Variants in MKLN1 observed in about 807,000 individuals in gnomAD.
The protein encoded by MKLN1 is muskelin 1.
MKLN1 carries 18 observed loss-of-function variants against 99.0 expected under a neutral mutation model. The observed-to-expected ratio is 0.18, with a 90% CI of 0.13 to 0.27. The LOEUF (loss-of-function observed/expected upper bound fraction) is 0.27. Among genes scored for constraint, MKLN1 ranks in the 10% least tolerant of loss-of-function variants. The probability of loss-of-function intolerance (pLI) is 1.00; values close to 1 mark genes in which losing one functional copy is unlikely to be tolerated. For missense variants in MKLN1, 621 were observed against 875.9 expected (o/e 0.71, Z 3.67); for synonymous variants, 288 against 293.2 (o/e 0.98, Z 0.18).
chr7:131,484,698 C>T (rs1326584009), intron 17 of MKLN1, among the ~76,000 whole-genome samples: 1 of 152,056 alleles, frequency 6.6e-6, no homozygotes, highest in Non-Finnish European at 1.5e-5. Context: ...AAGAACTAAG[C>T]CATTTTAGTA....
chr7:131,146,205 G>A (rs945601318), intron 2 of MKLN1, among the ~76,000 whole-genome samples: 1 of 152,124 alleles, frequency 6.6e-6, no homozygotes, highest in Admixed American at 6.5e-5. Flanking sequence ...AGGTGGGCAT[G>A]GTGGTACACG....
At chr7:131,129,597 A>G (rs889818507) in intron 1 of MKLN1, among the ~76,000 whole-genome samples, 8 of 152,222 alleles carry the variant, frequency 5.3e-5, no homozygotes, top group African/African-American at 1.7e-4. Context: ...ATTTAAAGAC[A>G]GGGTCTCTCT....
chr7:131,313,991 CA>C (rs1262670929), intron 3 of MKLN1, among the ~76,000 whole-genome samples: 1 of 152,170 alleles, frequency 6.6e-6, no homozygotes, highest in African/African-American at 2.4e-5. Context: ...TACTTCAATA[CA>C]AAAACATTTC....
rs1269037145 is a variant in MKLN1, at chr7:131,293,641, T to C, written c.-178-81783T>C. ...CTGGGCAACATGGTGAGACCATCTC[T>C]ACAAAAAATAAAAAATTAGCTGGGT... is the stretch of plus-strand genomic sequence containing the variant. On this transcript the variant is annotated intron_variant, in intron 3 of 7. Coordinates refer to the MKLN1 transcript ENST00000416992. Among the ~76,000 whole-genome samples, 5 of 152,002 alleles carry C rather than the reference T, an allele frequency of 3.3e-5. No homozygotes were observed. The East Asian group carries it at 9.7e-4, about 29-fold the overall frequency.
At chr7:131,395,332 G>A (rs796723692) in intron 4 of MKLN1, among the ~76,000 whole-genome samples, 5 of 151,912 alleles carry the variant, frequency 3.3e-5, no homozygotes, top group African/African-American at 1.2e-4. Flanking sequence ...ATTGTGGTTT[G>A]GTACACAACA....
intron 7 of MKLN1, among the ~76,000 whole-genome samples, chr7:131,411,993 A>G (rs925220129): frequency 1.3e-4 from 19 of 148,942 alleles, no homozygotes; most frequent in Non-Finnish European, 2.4e-4. Context: ...GTACTGAGGT[A>G]GAAGGGTGGC....
chr7:131,153,445 A>AT (rs759608690), intron 2 of MKLN1, among the ~76,000 whole-genome samples: 3 of 152,102 alleles, frequency 2.0e-5, no homozygotes, highest in Non-Finnish European at 2.9e-5. Context: ...ACAAGATGGC[A>AT]TAGGCTCATC....
At chr7:131,153,175 A>T (rs1270507934) in intron 2 of MKLN1, among the ~76,000 whole-genome samples, 2 of 151,950 alleles carry the variant, frequency 1.3e-5, no homozygotes, top group African/African-American at 4.8e-5. Flanking sequence ...TTTTAATCCT[A>T]TCATTCCTTA....
intron 3 of MKLN1, among the ~76,000 whole-genome samples, chr7:131,316,922 G>A (rs1467658451): frequency 6.6e-6 from 1 of 152,100 alleles, no homozygotes; most frequent in African/African-American, 2.4e-5. Flanking sequence ...AGAATGAAAA[G>A]GAATGAACAA....
At chr7:131,128,205 CA>C (rs11339275) in intron 1 of MKLN1, among the ~76,000 whole-genome samples, 7,806 of 85,236 alleles carry the variant, frequency 0.092, 203 homozygotes, top group Middle Eastern at 0.16. Flanking sequence ...GCCTCTGATT[CA>C]AAAAAAAAAA....
At chr7:131,236,110 T>C (rs1053931271) in intron 3 of MKLN1, among the ~76,000 whole-genome samples, 4 of 152,214 alleles carry the variant, frequency 2.6e-5, no homozygotes, top group African/African-American at 7.2e-5. Context: ...GAGAAATTAA[T>C]CAGTTAAAAT....
At chr7:131,452,018 T>C (rs1320922011) in intron 12 of MKLN1, among the ~76,000 whole-genome samples, 1 of 152,240 alleles carries the variant, frequency 6.6e-6, no homozygotes, top group Non-Finnish European at 1.5e-5. Flanking sequence ...AACCTGATGC[T>C]TGTTCTTTAG....
At chr7:131,407,643 T>G (rs1794746478) in intron 6 of MKLN1, among the ~76,000 whole-genome samples, 1 of 151,810 alleles carries the variant, frequency 6.6e-6, no homozygotes, top group Admixed American at 6.6e-5. Context: ...AAATCTCACT[T>G]TTTTCCCCTT....
chr7:131,258,147 C>CT (rs34365316), intron 3 of MKLN1, among the ~76,000 whole-genome samples: 4 of 145,494 alleles, frequency 2.7e-5, no homozygotes, highest in Admixed American at 6.9e-5. Flanking sequence ...AAAAAAGCTC[C>CT]TTTTTTTTTT....
At chr7:131,207,708 A>G (rs1370148614) in intron 3 of MKLN1, among the ~76,000 whole-genome samples, 1 of 152,182 alleles carries the variant, frequency 6.6e-6, no homozygotes, top group Non-Finnish European at 1.5e-5. Flanking sequence ...CTGATCCAGA[A>G]GCCTGGGCCC....
At chr7:131,445,153 T>A (rs2116517408) in intron 11 of MKLN1, among the ~76,000 whole-genome samples, 1 of 152,316 alleles carries the variant, frequency 6.6e-6, no homozygotes, top group Non-Finnish European at 1.5e-5. Context: ...GAAATACTAT[T>A]TCTGTGTCTG....
rs888187380 is a variant in MKLN1 at position 131,496,347 on chromosome 7, A to G, written c.*8619A>G. On this transcript the variant is annotated 3_prime_UTR_variant, in exon 18 of 18. Coordinates refer to ENST00000352689, the MANE Select transcript of MKLN1 (RefSeq NM_013255.5). ...ATCTCTTCTGACATCAATTGTTTCA[A>G]ATCATTGTTGGGCTCTGTCGTGTTC... is the stretch of plus-strand genomic sequence containing the variant. The G allele has an allele frequency of 2.0e-5, 3 of 152,060 alleles. No homozygotes were observed. The East Asian group carries it at 5.8e-4, about 29-fold the overall frequency. 9.4% of individuals were successfully genotyped at this position (152,060 alleles called of 1,614,324 possible).
At chr7:131,460,155 A>T (rs1796472968) in intron 12 of MKLN1, among the ~76,000 whole-genome samples, 1 of 152,006 alleles carries the variant, frequency 6.6e-6, no homozygotes, top group Non-Finnish European at 1.5e-5. Flanking sequence ...AATCTCCTCA[A>T]GGATACTCAT....
At chr7:131,467,986 A>G (rs1418653842) in intron 15 of MKLN1, among the ~76,000 whole-genome samples, 2 of 152,146 alleles carry the variant, frequency 1.3e-5, no homozygotes, top group Non-Finnish European at 2.9e-5. Flanking sequence ...TACAGTTGTG[A>G]GTCATGGGAG....
Sources: allele counts gnomAD v4.1 joint callset (sites outside exome capture counted in the v4.1 genomes callset), GRCh38; gene constraint gnomAD v4.1.1; transcripts MANE v1.5; gene names NCBI Gene and HGNC (gene_info 2026-07-23, HGNC 2026-07-21).